Variants in FAM107B observed in about 807,000 individuals in gnomAD.
FAM107B encodes protein FAM107B.
A neutral mutation model predicts 31.5 loss-of-function variants in FAM107B; 21 were observed. That is an observed-to-expected ratio of 0.67 (90% confidence interval 0.47 to 0.96). The LOEUF (loss-of-function observed/expected upper bound fraction) is 0.96, where lower values mean the gene tolerates loss of function less well. FAM107B is among the 40% of genes least tolerant of loss of function. The pLI, the probability that FAM107B is intolerant of heterozygous loss-of-function variation, is 0.00. For synonymous variants in FAM107B, 157 were observed against 141.5 expected, an observed-to-expected ratio of 1.11 and a Z score of -0.78; for missense variants, 452 against 377.1, an observed-to-expected ratio of 1.20 and a Z score of -1.64.
Position 14,583,637 on chromosome 10 carries a change from G to A in FAM107B, c.470-53122C>T, listed in dbSNP as rs575761205. 3.3e-4 allele frequency among the ~76,000 whole-genome samples: 50 copies of A among 152,244 alleles called. No homozygotes were observed. The South Asian group carries it at 4.8e-3, about 15-fold the overall frequency. ...CCCAGTCCTAAAGGTAAGGTGGGTG[G>A]GGACGGAGGAAGAAGAAGAGGCTGG... On this transcript the variant is annotated intron_variant, in intron 2 of 4. Coordinates refer to ENST00000181796, the MANE Select transcript of FAM107B (RefSeq NM_031453.4).
At chr10:14,541,486 C>G (rs1848195572) in intron 2 of FAM107B, among the ~76,000 whole-genome samples, 1 of 152,198 alleles carries the variant, frequency 6.6e-6, no homozygotes, top group Admixed American at 6.5e-5. Flanking sequence ...GGGCAGAAAT[C>G]CCTCCTCCCC....
chr10:14,589,185 AAG>A (rs1851940128), intron 2 of FAM107B, among the ~76,000 whole-genome samples: 1 of 151,758 alleles, frequency 6.6e-6, no homozygotes, highest in Non-Finnish European at 1.5e-5. Context: ...AAAAAAAAAA[AAG>A]AAAAGAAAAA....
At chr10:14,665,083 C>A (rs1429418857) in intron 2 of FAM107B, among the ~76,000 whole-genome samples, 1 of 152,174 alleles carries the variant, frequency 6.6e-6, no homozygotes, top group African/African-American at 2.4e-5. Context: ...TCCAGTTAGA[C>A]AACAGCATTT....
At chr10:14,706,127 T>C (rs532407215) in intron 1 of FAM107B, among the ~76,000 whole-genome samples, 4 of 152,346 alleles carry the variant, frequency 2.6e-5, no homozygotes, top group African/African-American at 7.2e-5. Flanking sequence ...ACTGCAGACC[T>C]TAAGCCAGTT....
chr10:14,598,713 G>A (rs931426002), intron 2 of FAM107B, among the ~76,000 whole-genome samples: 13 of 152,012 alleles, frequency 8.6e-5, no homozygotes, highest in South Asian at 2.1e-4. Flanking sequence ...TGCTCTTATC[G>A]CAGTAACATT....
intron 1 of FAM107B, among the ~76,000 whole-genome samples, chr10:14,703,082 A>G (rs1855438333): frequency 6.6e-6 from 1 of 152,072 alleles, no homozygotes; most frequent in Non-Finnish European, 1.5e-5. Flanking sequence ...CAACCAAAGT[A>G]CCTATATTCC....
At chr10:14,748,075 G>A (rs752379255) in intron 1 of FAM107B, among the ~76,000 whole-genome samples, 2 of 152,178 alleles carry the variant, frequency 1.3e-5, no homozygotes, top group Non-Finnish European at 2.9e-5. Flanking sequence ...CTCTGATGAG[G>A]TGGCTCAGTG....
chr10:14,585,480 T>TG (rs925069291), intron 2 of FAM107B, among the ~76,000 whole-genome samples: 2 of 152,046 alleles, frequency 1.3e-5, no homozygotes, highest in African/African-American at 4.8e-5. Context: ...CCACGGACCC[T>TG]GGGGGGCGCC....
chr10:14,594,523 A>C (rs1249939373), intron 2 of FAM107B, among the ~76,000 whole-genome samples: 1 of 151,954 alleles, frequency 6.6e-6, no homozygotes, highest in Non-Finnish European at 1.5e-5. Context: ...AAAAACAAAA[A>C]AAAACAAAAC....
intron 2 of FAM107B, among the ~76,000 whole-genome samples, chr10:14,541,147 T>C (rs1328812829): frequency 6.6e-6 from 1 of 152,134 alleles, no homozygotes; most frequent in Non-Finnish European, 1.5e-5. Flanking sequence ...CACCAGTCGC[T>C]CATCCCTCAT....
Position 14,667,808 on chromosome 10 carries a change from A to G in FAM107B, c.412-117T>C, listed in dbSNP as rs1441412469. 64 of 1,006,114 alleles carry G rather than the reference A, an allele frequency of 6.4e-5. 1 individual carries two copies. The South Asian group carries it at 9.3e-4, about 15-fold the overall frequency. 62.3% of individuals were successfully genotyped at this position (1,006,114 alleles called of 1,614,324 possible). On this transcript the variant is annotated intron_variant, in intron 1 of 4. Coordinates refer to ENST00000181796, the MANE Select transcript of FAM107B (RefSeq NM_031453.4). ...TATGAGATCAAGACTTGAAAAACTT[A>G]AACCACACCTTAAAGAACTGAGGTT...
At chr10:14,553,606 G>A (rs1449697568) in intron 2 of FAM107B, among the ~76,000 whole-genome samples, 1 of 152,160 alleles carries the variant, frequency 6.6e-6, no homozygotes, top group Non-Finnish European at 1.5e-5. Context: ...GAGTAGGGGA[G>A]ACACTAAGAA....
chr10:14,735,171 A>G (rs1234653145), intron 1 of FAM107B, among the ~76,000 whole-genome samples: 3 of 152,228 alleles, frequency 2.0e-5, no homozygotes, highest in Non-Finnish European at 4.4e-5. Flanking sequence ...GCCTTTTGTG[A>G]TAGGATAGAT....
Position 14,774,630 on chromosome 10 carries a change from G to A in FAM107B, c.34C>T (p.Leu12=). 6.2e-7 allele frequency: 1 copy of A among 1,614,130 alleles called. No homozygotes were observed. The highest frequency in any genetic ancestry group is 1.3e-5 in the African/African-American group (1 of 75,062). The part of the protein sequence containing the change: ...STWKARLTKR[L]KSPSRSMHPF... ...TGCATGCTTCTAGAGGGAGACTTCA[G>A]TCTTTTGGTGAGTCTTGCTTTCCAC... The change falls in exon 1 of 5, where the codon CTG becomes TTG. Residue 12 remains leucine, a synonymous_variant. Transcript: ENST00000181796.
intron 2 of FAM107B, among the ~76,000 whole-genome samples, chr10:14,634,879 C>T (rs1185331575): frequency 6.6e-6 from 1 of 152,024 alleles, no homozygotes; most frequent in African/African-American, 2.4e-5. Flanking sequence ...CACTTGTGGT[C>T]AGGAGTTTGA....
rs1845403190 is a variant in FAM107B, at chr10:14,519,180, A to G, written c.*2010T>C. On this transcript the variant is annotated 3_prime_UTR_variant, in exon 5 of 5. Transcript: ENST00000181796. ...TAACTTTTTTTTTTTTCAGTGAAGA[A>G]TGAATTCTAGTTAAGCTCTAGGAAC... 6.6e-6 allele frequency: 1 copy of G among 152,148 alleles called. No individual in the cohort carries two copies. The highest frequency in any genetic ancestry group is 1.5e-5 in the Non-Finnish European group (1 of 68,036). 9.4% of individuals were successfully genotyped at this position (152,148 alleles called of 1,614,324 possible).
At chr10:14,562,944 A>T (rs1012988112) in intron 2 of FAM107B, among the ~76,000 whole-genome samples, 3 of 152,248 alleles carry the variant, frequency 2.0e-5, no homozygotes. Context: ...CTATAACAGA[A>T]ATGAGAAAAA....
At chr10:14,758,610 T>A (rs1052847052) in intron 1 of FAM107B, among the ~76,000 whole-genome samples, 1 of 151,690 alleles carries the variant, frequency 6.6e-6, no homozygotes, top group South Asian at 2.1e-4. Context: ...TGGGTGGGAG[T>A]AGAGCATGGC....
chr10:14,521,125 A>G lies in FAM107B; in HGVS notation c.*65T>C. ...ATATTCTCCAGGGGCTTTTGCCCTG[A>G]GATTGAGAAGGCACCCACAGACAGC... On this transcript the variant is annotated 3_prime_UTR_variant, in exon 5 of 5. Coordinates refer to ENST00000181796, the MANE Select transcript of FAM107B (RefSeq NM_031453.4). 7.9e-7 allele frequency: 1 copy of G among 1,259,036 alleles called. No individual in the cohort carries two copies. The allele number at this position is 1,259,036 out of a possible 1,614,324, so 78.0% of individuals were successfully genotyped here. A position where few individuals can be genotyped will look rare whatever the true frequency, so the allele number is the denominator to read the frequency against.
Sources: allele counts gnomAD v4.1 joint callset (sites outside exome capture counted in the v4.1 genomes callset), GRCh38; gene constraint gnomAD v4.1.1; transcripts MANE v1.5; gene names NCBI Gene and HGNC (gene_info 2026-07-23, HGNC 2026-07-21).